Variants in DGKB observed in about 807,000 individuals in gnomAD.
DGKB encodes 90 kDa diacylglycerol kinase.
In DGKB, 67 loss-of-function variants were observed where a neutral mutation model predicts 114.3. The observed-to-expected ratio is 0.59, with a 90% CI of 0.48 to 0.72. The LOEUF is 0.72. Ranked by LOEUF, DGKB falls within the 30% of genes least tolerant of loss-of-function variation. DGKB has a pLI of 0.00. For missense variants in DGKB, 907 were observed against 975.2 expected (o/e 0.93, Z 0.93); for synonymous variants, 398 against 323.1 (o/e 1.23, Z -2.49).
intron 20 of DGKB, among the ~76,000 whole-genome samples, chr7:14,570,894 T>C (rs1416449790): frequency 2.0e-5 from 3 of 152,204 alleles, no homozygotes; most frequent in Non-Finnish European, 4.4e-5. Context: ...AGTGTATTTC[T>C]GTTTCCTAAT....
At chr7:14,724,850 T>C (rs193059661) in intron 5 of DGKB, among the ~76,000 whole-genome samples, 142 of 152,292 alleles carry the variant, frequency 9.3e-4, no homozygotes, top group Admixed American at 2.6e-3. Flanking sequence ...AAAAATGAGA[T>C]CTGTCTACAC....
chr7:14,753,696 CTTTTTGTCTATTAAGG>C (rs1301979050), intron 4 of DGKB, among the ~76,000 whole-genome samples: 6 of 151,960 alleles, frequency 3.9e-5, no homozygotes, highest in African/African-American at 1.5e-4. Context: ...ACTTGAGACC[CTTTTTGTCTATTAAGG>C]TACCAGCTCC....
chr7:14,307,441 G>T (rs148649547), intron 23 of DGKB, among the ~76,000 whole-genome samples: 1 of 152,060 alleles, frequency 6.6e-6, no homozygotes, highest in African/African-American at 2.4e-5. Flanking sequence ...ATTGAATAGC[G>T]TTAAATAACA....
intron 23 of DGKB, among the ~76,000 whole-genome samples, chr7:14,244,417 G>A (rs1004742567): frequency 6.6e-6 from 1 of 152,192 alleles, no homozygotes; most frequent in East Asian, 1.9e-4. Flanking sequence ...AGCACTTTGG[G>A]AGGCTGAGGT....
intron 1 of DGKB, among the ~76,000 whole-genome samples, chr7:14,928,600 G>C (rs1587399381): frequency 6.6e-6 from 1 of 151,880 alleles, no homozygotes; most frequent in African/African-American, 2.4e-5. Flanking sequence ...AATGTCATCA[G>C]TGACCTCCTG....
At chr7:14,964,624 T>C (rs148347275) in intron 1 of DGKB, among the ~76,000 whole-genome samples, 1 of 152,314 alleles carries the variant, frequency 6.6e-6, no homozygotes, top group East Asian at 1.9e-4. Context: ...TAGAATTTAA[T>C]CTATCATAAT....
chr7:14,562,066 T>A (rs1232928218), intron 20 of DGKB, among the ~76,000 whole-genome samples: 5 of 152,194 alleles, frequency 3.3e-5, no homozygotes, highest in African/African-American at 1.2e-4. Context: ...TCTCAGCTAC[T>A]CCAGCTGTGG....
intron 20 of DGKB, among the ~76,000 whole-genome samples, chr7:14,544,536 T>A (rs1793979979): frequency 6.6e-6 from 1 of 152,210 alleles, no homozygotes; most frequent in Admixed American, 6.5e-5. Context: ...CATTTTTGTA[T>A]ATAAAAATGT....
intron 23 of DGKB, among the ~76,000 whole-genome samples, chr7:14,217,889 C>A (rs1486271083): frequency 6.6e-6 from 1 of 152,052 alleles, no homozygotes; most frequent in Non-Finnish European, 1.5e-5. Flanking sequence ...TAGATGGTGT[C>A]CCTCTATTGC....
intron 23 of DGKB, among the ~76,000 whole-genome samples, chr7:14,290,228 G>C (rs369294186): frequency 1.3e-5 from 2 of 152,076 alleles, no homozygotes; most frequent in Non-Finnish European, 2.9e-5. Flanking sequence ...AAGAGATCTG[G>C]AAAACAAAAG....
At chr7:14,938,166 C>G (rs1286441358) in intron 1 of DGKB, among the ~76,000 whole-genome samples, 1 of 152,174 alleles carries the variant, frequency 6.6e-6, no homozygotes, top group Non-Finnish European at 1.5e-5. Flanking sequence ...AAAGAGGAAT[C>G]TAGAAAACTA....
intron 20 of DGKB, among the ~76,000 whole-genome samples, chr7:14,553,606 C>A (rs527799325): frequency 6.6e-6 from 1 of 152,112 alleles, no homozygotes; most frequent in Non-Finnish European, 1.5e-5. Flanking sequence ...AAAGGCAGCA[C>A]TGTAGAACAG....
chr7:14,189,549 C>T (rs1348211090), intron 23 of DGKB, among the ~76,000 whole-genome samples: 2 of 152,092 alleles, frequency 1.3e-5, no homozygotes, highest in Non-Finnish European at 2.9e-5. Context: ...GGCAGAAGTA[C>T]TTATCTAACA....
At chr7:14,744,181 T>G (rs1266958132) in intron 4 of DGKB, among the ~76,000 whole-genome samples, 1 of 152,236 alleles carries the variant, frequency 6.6e-6, no homozygotes, top group East Asian at 1.9e-4. Context: ...TGGAGCATAC[T>G]TCTTTCTCTT....
intron 23 of DGKB, among the ~76,000 whole-genome samples, chr7:14,333,460 T>TAA (rs36112659): frequency 2.4e-4 from 30 of 125,828 alleles, no homozygotes; most frequent in African/African-American, 3.7e-4. Flanking sequence ...GACTCCGTCT[T>TAA]AAAAAAAAAA....
At chr7:14,290,387 A>C (rs573068948) in intron 23 of DGKB, among the ~76,000 whole-genome samples, 1 of 152,110 alleles carries the variant, frequency 6.6e-6, no homozygotes, top group African/African-American at 2.4e-5. Context: ...AAATTATGAG[A>C]GAGAGAGATA....
At chr7:14,347,954 A>C (rs2128598804) in intron 21 of DGKB, among the ~76,000 whole-genome samples, 1 of 152,200 alleles carries the variant, frequency 6.6e-6, no homozygotes, top group East Asian at 1.9e-4. Context: ...TTATTTTGCG[A>C]TAAATTTAGA....
intron 13 of DGKB, among the ~76,000 whole-genome samples, chr7:14,637,175 A>C (rs1054766532): frequency 6.6e-6 from 1 of 152,008 alleles, no homozygotes. Flanking sequence ...AGGAATACTC[A>C]GCATTAGTCA....
At chr7:14,408,440 T>C (rs1824310450) in intron 21 of DGKB, among the ~76,000 whole-genome samples, 1 of 152,094 alleles carries the variant, frequency 6.6e-6, no homozygotes, top group Non-Finnish European at 1.5e-5. Context: ...GACAAAGCAA[T>C]CATTTTCACA....
Sources: gnomAD v4.1 joint callset for allele counts (sites outside exome capture counted in the v4.1 genomes callset) on GRCh38, gnomAD v4.1.1 for gene constraint, MANE v1.5 for transcripts, NCBI Gene and HGNC (gene_info 2026-07-23, HGNC 2026-07-21) for gene names.